Variants in SOX5 observed in about 807,000 individuals in gnomAD.
The protein encoded by SOX5 is transcription factor SOX-5.
Under a neutral mutation model 92.0 loss-of-function variants are expected in SOX5, and 9 were observed. That is an observed-to-expected ratio of 0.10 (90% CI 0.06 to 0.17). The LOEUF is 0.17. Ranked by LOEUF, SOX5 falls within the 10% of genes least tolerant of loss-of-function variation. The pLI is 1.00. For missense variants in SOX5, 642 were observed against 944.5 expected, an observed-to-expected ratio of 0.68 and a Z score of 4.20; for synonymous variants, 344 against 336.3, an observed-to-expected ratio of 1.02 and a Z score of -0.25.
chr12:23,999,148 G>GTGTGTGTA (rs1951342688), intron 4 of SOX5, among the ~76,000 whole-genome samples: 1 of 149,834 alleles, frequency 6.7e-6, no homozygotes, highest in African/African-American at 2.5e-5. Flanking sequence ...CTCTGTGTGT[G>GTGTGTGTA]TGTGTGTGTG....
intron 1 of SOX5, among the ~76,000 whole-genome samples, chr12:24,372,542 T>G (rs1956845841): frequency 6.6e-6 from 1 of 152,196 alleles, no homozygotes; most frequent in Non-Finnish European, 1.5e-5. Context: ...CTGATGCACA[T>G]TTGGGTTGGT....
chr12:24,301,220 T>C (rs1289476657), intron 2 of SOX5, among the ~76,000 whole-genome samples: 1 of 152,190 alleles, frequency 6.6e-6, no homozygotes, highest in Non-Finnish European at 1.5e-5. Context: ...TTGAAAGTGT[T>C]CCAATTCAAG....
rs778812635 is a variant in SOX5, at chr12:24,089,992, A to C, written c.-2+123351T>G. Among the ~76,000 whole-genome samples the C allele has an allele frequency of 5.7e-4, 87 of 152,188 alleles. 3 individuals carry two copies. The highest frequency in any genetic ancestry group is 1.2e-4 in the Non-Finnish European group (8 of 68,020). On this transcript the variant is annotated intron_variant, in intron 4 of 4. Coordinates refer to the SOX5 transcript ENST00000446891. ...ATTTTTTTCCTTTATTCAAGGAATC[A>C]ATACGTAAGACCACGTAAAACAACT...
chr12:24,358,055 C>A (rs1390539947), intron 2 of SOX5, among the ~76,000 whole-genome samples: 1 of 152,096 alleles, frequency 6.6e-6, no homozygotes, highest in Non-Finnish European at 1.5e-5. Flanking sequence ...CAGTGTGTGG[C>A]ACGTAACGGG....
chr12:23,875,370 C>T (rs889488215), intron 2 of SOX5, among the ~76,000 whole-genome samples: 3 of 152,088 alleles, frequency 2.0e-5, no homozygotes, highest in Non-Finnish European at 4.4e-5. Flanking sequence ...TTAGAATACC[C>T]AAGGACTTCA....
intron 3 of SOX5, among the ~76,000 whole-genome samples, chr12:24,244,728 TG>T (rs1189815667): frequency 6.6e-6 from 1 of 152,204 alleles, no homozygotes; most frequent in Non-Finnish European, 1.5e-5. Flanking sequence ...CTTTTTCTCT[TG>T]TTGCCCAGGC....
chr12:23,706,620 G>C (rs1233570940), intron 6 of SOX5, among the ~76,000 whole-genome samples: 4 of 151,860 alleles, frequency 2.6e-5, no homozygotes, highest in Non-Finnish European at 5.9e-5. Flanking sequence ...TTTTAGTACA[G>C]AAAAGTACAT....
intron 2 of SOX5, among the ~76,000 whole-genome samples, chr12:24,301,981 A>G (rs1197514768): frequency 2.0e-5 from 3 of 152,164 alleles, no homozygotes; most frequent in African/African-American, 7.2e-5. Flanking sequence ...TTATGTTCAC[A>G]TATATGAATA....
intron 4 of SOX5, among the ~76,000 whole-genome samples, chr12:24,088,088 T>C (rs1944228991): frequency 6.6e-6 from 1 of 152,066 alleles, no homozygotes; most frequent in South Asian, 2.1e-4. Context: ...GCTATTATAT[T>C]TTAGAAATAC....
chr12:23,554,579 T>C (rs1047867044), intron 11 of SOX5, among the ~76,000 whole-genome samples: 1 of 152,202 alleles, frequency 6.6e-6, no homozygotes, highest in African/African-American at 2.4e-5. Context: ...CAAAGAATAC[T>C]GTTCTATTTA....
At chr12:24,184,771 T>C (rs1457797792) in intron 4 of SOX5, among the ~76,000 whole-genome samples, 1 of 152,160 alleles carries the variant, frequency 6.6e-6, no homozygotes, top group South Asian at 2.1e-4. Context: ...AGAACAGGAT[T>C]TGTACTCATT....
chr12:24,037,419 T>C (rs939126542), intron 4 of SOX5, among the ~76,000 whole-genome samples: 12 of 152,152 alleles, frequency 7.9e-5, no homozygotes, highest in African/African-American at 2.7e-4. Context: ...TCAATCATTA[T>C]GTGAACCAAG....
At chr12:24,060,825 G>C (rs1009365106) in intron 4 of SOX5, among the ~76,000 whole-genome samples, 9 of 152,166 alleles carry the variant, frequency 5.9e-5, no homozygotes, top group South Asian at 2.1e-4. Flanking sequence ...ATGGACAAAG[G>C]TTGCTTAAAA....
intron 4 of SOX5, among the ~76,000 whole-genome samples, chr12:24,081,661 C>A (rs1340968788): frequency 2.6e-5 from 4 of 151,950 alleles, no homozygotes; most frequent in Non-Finnish European, 5.9e-5. Context: ...ATACTTGGAA[C>A]TCTCTGCACG....
chr12:23,719,986 G>T (rs956311210), intron 6 of SOX5, among the ~76,000 whole-genome samples: 5 of 152,012 alleles, frequency 3.3e-5, no homozygotes, highest in African/African-American at 1.2e-4. Flanking sequence ...TAGAAGACAG[G>T]TTTAAGTAAC....
chr12:24,456,788 C>G (rs1422527851), intron 1 of SOX5, among the ~76,000 whole-genome samples: 1 of 152,194 alleles, frequency 6.6e-6, no homozygotes, highest in African/African-American at 2.4e-5. Context: ...TAATTAAAGA[C>G]AGCTTCCCCA....
intron 3 of SOX5, among the ~76,000 whole-genome samples, chr12:23,766,543 C>T (rs541085801): frequency 4.7e-4 from 71 of 152,022 alleles, no homozygotes; most frequent in African/African-American, 1.6e-3. Flanking sequence ...AAAACACTGA[C>T]GGGTTATTAA....
intron 2 of SOX5, among the ~76,000 whole-genome samples, chr12:24,294,784 C>G (rs1947008041): frequency 6.6e-6 from 1 of 152,206 alleles, no homozygotes; most frequent in Admixed American, 6.5e-5. Context: ...CACAAAGTAG[C>G]TTTGACCCCA....
intron 4 of SOX5, among the ~76,000 whole-genome samples, chr12:23,972,810 T>C (rs1258142599): frequency 6.6e-6 from 1 of 152,214 alleles, no homozygotes; most frequent in Non-Finnish European, 1.5e-5. Context: ...AATGTATCAT[T>C]TTTTGGTGAG....
Sources: allele counts gnomAD v4.1 joint callset (sites outside exome capture counted in the v4.1 genomes callset), GRCh38; gene constraint gnomAD v4.1.1; transcripts MANE v1.5; gene names NCBI Gene and HGNC (gene_info 2026-07-23, HGNC 2026-07-21).